Variants in HCRTR2 observed in about 807,000 individuals in gnomAD.
HCRTR2 encodes the protein orexin receptor type 2.
Under a neutral mutation model 49.0 loss-of-function variants are expected in HCRTR2, and 22 were observed. The observed-to-expected ratio is 0.45, with a 90% CI of 0.32 to 0.64. The LOEUF (loss-of-function observed/expected upper bound fraction) is 0.64, where lower values mean the gene tolerates loss of function less well. Among genes scored for constraint, HCRTR2 ranks in the 30% least tolerant of loss-of-function variants. The pLI, the probability that HCRTR2 is intolerant of heterozygous loss-of-function variation, is 0.04. For synonymous variants in HCRTR2, 236 were observed against 205.3 expected (o/e 1.15, Z -1.28); for missense variants, 491 against 559.4 (o/e 0.88, Z 1.23).
At chr6:55,134,312 T>C (rs1456402175) in intron 1 of HCRTR2, among the ~76,000 whole-genome samples, 1 of 151,936 alleles carries the variant, frequency 6.6e-6, no homozygotes, top group Non-Finnish European at 1.5e-5. Flanking sequence ...AAGAAATTTA[T>C]ATTTGTCATT....
intron 1 of HCRTR2, among the ~76,000 whole-genome samples, chr6:55,199,268 T>G (rs1437240621): frequency 2.0e-5 from 3 of 148,726 alleles, no homozygotes; most frequent in Non-Finnish European, 4.5e-5. Context: ...AGTTTTTTGT[T>G]TTTTTTTTTA....
intron 1 of HCRTR2, among the ~76,000 whole-genome samples, chr6:55,133,682 T>TATC (rs1318552507): frequency 1.3e-5 from 2 of 150,030 alleles, no homozygotes; most frequent in Non-Finnish European, 3.0e-5. Context: ...TCTATCTATC[T>TATC]ATCTATCTAT....
intron 3 of HCRTR2, among the ~76,000 whole-genome samples, chr6:55,257,964 G>C (rs1359209369): frequency 6.6e-6 from 1 of 151,766 alleles, no homozygotes; most frequent in African/African-American, 2.4e-5. Flanking sequence ...AATAATTCAA[G>C]GCAGATTTTT....
At chr6:55,229,979 G>A (rs1475705207) in intron 1 of HCRTR2, among the ~76,000 whole-genome samples, 2 of 152,070 alleles carry the variant, frequency 1.3e-5, no homozygotes, top group Admixed American at 6.6e-5. Flanking sequence ...AACTACTTGG[G>A]AAACAAAATG....
At chr6:55,266,290 T>C (rs1410989367) in intron 4 of HCRTR2, among the ~76,000 whole-genome samples, 3 of 152,190 alleles carry the variant, frequency 2.0e-5, no homozygotes, top group African/African-American at 7.2e-5. Context: ...TCTACTCTAC[T>C]AAGATAAAGA....
rs41321149 is a variant in HCRTR2, at chr6:55,282,321, C to T, written c.1202C>T (p.Thr401Ile). Residue 401 changes from threonine (T) to isoleucine (I), a missense_variant, in exon 7 of 7, where the codon ACA (threonine) becomes ATA (isoleucine). Transcript: ENST00000370862. ...EDRLTRGRTS[T>I]ESRKSLTTQI... is the part of the protein sequence containing the mutation. The stretch of plus-strand genomic sequence containing the variant: ...CGGCTCACCAGGGGACGAACTAGCA[C>T]AGAGAGCCGGAAGTCCTTGACCACT... 2.2e-4 allele frequency: 352 copies of T among 1,613,590 alleles called. No homozygotes were observed. The highest frequency in any genetic ancestry group is 2.9e-4 in the Non-Finnish European group (339 of 1,179,774).
intron 1 of HCRTR2, among the ~76,000 whole-genome samples, chr6:55,217,983 G>A (rs1765820134): frequency 6.6e-6 from 1 of 152,154 alleles, no homozygotes; most frequent in South Asian, 2.1e-4. Flanking sequence ...CACAGTTATG[G>A]AGACTGAAAA....
intron 3 of HCRTR2, among the ~76,000 whole-genome samples, chr6:55,257,820 C>A (rs1371873626): frequency 6.6e-6 from 1 of 151,532 alleles, no homozygotes; most frequent in Non-Finnish European, 1.5e-5. Context: ...TTATAATAGC[C>A]TATAATTAAA....
chr6:55,155,716 T>A lies in HCRTR2; in HGVS notation c.-377-18495T>A, dbSNP rs578223185. Among the ~76,000 whole-genome samples the A allele has an allele frequency of 3.3e-5, 5 of 152,128 alleles. No individual in the cohort carries two copies. In the South Asian group the frequency reaches 1.0e-3, roughly 32 times the overall value. On this transcript the variant is annotated intron_variant, in intron 1 of 7. Transcript: ENST00000615358. ...TCAAACATTATAGAAAAAAAGTTTG[T>A]AAAGAAGTTAATTTTCAAGGTGACA...
At chr6:55,280,007 T>A (rs2292041) in intron 5 of HCRTR2, among the ~76,000 whole-genome samples, 15,654 of 152,168 alleles carry the variant, frequency 0.1, 992 homozygotes, top group South Asian at 0.27. Flanking sequence ...TTCAATTGTA[T>A]TTAGAAAGAA....
chr6:55,152,958 A>T (rs879517680), intron 1 of HCRTR2, among the ~76,000 whole-genome samples: 6 of 152,028 alleles, frequency 3.9e-5, no homozygotes, highest in Admixed American at 1.3e-4. Context: ...CCAAGAAATC[A>T]TCGCCAGAGC....
At chr6:55,117,803 A>C (rs1368122251) in intron 1 of HCRTR2, among the ~76,000 whole-genome samples, 1 of 150,548 alleles carries the variant, frequency 6.6e-6, no homozygotes, top group African/African-American at 2.4e-5. Flanking sequence ...AAAAAAAAAA[A>C]AGGGAACTGG....
In HCRTR2 at chr6:55,266,123, T is replaced by G. The variant is rs191641755; in HGVS notation, c.762+2301T>G. ...GTGCCTAAATATAGACAGTGCTCATTAAACAAAATATCTTAATGGATGTTG... is the reference window on the plus strand; with the variant it reads ...GTGCCTAAATATAGACAGTGCTCATGAAACAAAATATCTTAATGGATGTTG... On this transcript the variant is annotated intron_variant, in intron 4 of 6. Transcript: ENST00000370862. 6.6e-5 allele frequency among the ~76,000 whole-genome samples: 10 copies of G among 152,330 alleles called. No individual in the cohort carries two copies. In the East Asian group the frequency reaches 1.9e-3, roughly 29 times the overall value.
intron 4 of HCRTR2, 35 bp downstream of exon 4, chr6:55,263,857 C>T (rs372071680): frequency 4.8e-5 from 57 of 1,182,604 alleles, no homozygotes; most frequent in Middle Eastern, 1.9e-4. Flanking sequence ...TGCATTATTC[C>T]TCCACACATA....
At chr6:55,232,129 A>G (rs1308534326) in intron 1 of HCRTR2, among the ~76,000 whole-genome samples, 3 of 152,166 alleles carry the variant, frequency 2.0e-5, no homozygotes, top group Non-Finnish European at 4.4e-5. Flanking sequence ...AAACTTAACA[A>G]TACTTAATAG....
intron 1 of HCRTR2, among the ~76,000 whole-genome samples, chr6:55,241,859 TAA>T (rs1766338634): frequency 7.0e-6 from 1 of 141,946 alleles, no homozygotes; most frequent in Non-Finnish European, 1.5e-5. Context: ...CTATGGCAAC[TAA>T]TTTTTTTTTT....
intron 5 of HCRTR2, among the ~76,000 whole-genome samples, chr6:55,278,727 AATTATTATTATT>A (rs201178077): frequency 6.9e-6 from 1 of 144,684 alleles, no homozygotes; most frequent in African/African-American, 2.5e-5. Context: ...GCTTCTTATT[AATTATTATTATT>A]ATTATTATTA....
At chr6:55,185,659 G>A (rs911548445) in intron 1 of HCRTR2, among the ~76,000 whole-genome samples, 2 of 143,180 alleles carry the variant, frequency 1.4e-5, no homozygotes, top group Non-Finnish European at 3.2e-5. Flanking sequence ...AAGGCCTTGA[G>A]TTTCCCAAAT....
intron 1 of HCRTR2, among the ~76,000 whole-genome samples, chr6:55,158,721 C>A (rs777046851): frequency 6.6e-6 from 1 of 152,168 alleles, no homozygotes; most frequent in Non-Finnish European, 1.5e-5. Flanking sequence ...CACGACAGTT[C>A]GGCAAAGCCA....
Sources: gnomAD v4.1 joint callset for allele counts (sites outside exome capture counted in the v4.1 genomes callset) on GRCh38, gnomAD v4.1.1 for gene constraint, MANE v1.5 for transcripts, NCBI Gene and HGNC (gene_info 2026-07-23, HGNC 2026-07-21) for gene names.